Variants in MFSD11 observed in about 807,000 individuals in gnomAD.
MFSD11 encodes the protein UNC93-like protein MFSD11.
A neutral mutation model predicts 53.5 loss-of-function variants in MFSD11; 36 were observed. The observed-to-expected ratio is 0.67, with a 90% CI of 0.52 to 0.89. The LOEUF is 0.89. MFSD11 is among the 40% of genes least tolerant of loss of function. MFSD11 has a pLI of 0.00. For missense variants in MFSD11, 530 were observed against 543.9 expected (o/e 0.97, Z 0.25); for synonymous variants, 186 against 184.9 (o/e 1.01, Z -0.05).
chr17:76,738,256 A>G lies in MFSD11; in HGVS notation c.-97A>G, dbSNP rs1335472044. 11 of 778,008 alleles carry G rather than the reference A, an allele frequency of 1.4e-5. No individual in the cohort carries two copies. Among genetic ancestry groups the G allele is most frequent in the Non-Finnish European group, 2.4e-5 (11 of 455,374 alleles). The allele number at this position is 778,008 out of a possible 1,614,324, so 48.2% of individuals were successfully genotyped here. A position where few individuals can be genotyped will look rare whatever the true frequency, so the allele number is the denominator to read the frequency against. On this transcript the variant is annotated 5_prime_UTR_variant, in exon 1 of 13. Transcript: ENST00000685175. ...CCTGGCTCCTGCATCTGCCTTCTCC[A>G]CTCACCATCTCATTTCTTTCTCCAG...
At chr17:76,789,338 C>T in the MFSD11 span, among the ~76,000 whole-genome samples, 1 of 149,456 alleles carries the variant, frequency 6.7e-6, no homozygotes, top group South Asian at 2.2e-4. Context: ...TGTCTGCATG[C>T]ACAGTGACCT....
intron 10 of MFSD11, 68 bp from the exon 11 acceptor site, chr17:76,774,928 TG>T: frequency 6.7e-7 from 1 of 1,489,128 alleles, no homozygotes; most frequent in Non-Finnish European, 9.1e-7. Context: ...GGCTCCTTGG[TG>T]GTAACTCAGG....
intron 8 of MFSD11, among the ~76,000 whole-genome samples, chr17:76,758,467 C>T (rs1209328336): frequency 6.6e-6 from 1 of 151,100 alleles, no homozygotes; most frequent in East Asian, 2.0e-4. Context: ...CTTGCAGCCC[C>T]AGCTACTTGG....
chr17:76,753,394 C>T (rs796296645), intron 7 of MFSD11, among the ~76,000 whole-genome samples: 6 of 151,960 alleles, frequency 3.9e-5, no homozygotes, highest in African/African-American at 9.7e-5. Flanking sequence ...CAGGATAGGC[C>T]GGGTGTGGTG....
intron 10 of MFSD11, among the ~76,000 whole-genome samples, chr17:76,772,777 A>G (rs1167098127): frequency 6.6e-6 from 1 of 152,034 alleles, no homozygotes; most frequent in Non-Finnish European, 1.5e-5. Flanking sequence ...CGGCCTCCCA[A>G]AGTGCTGGAA....
At chr17:76,761,483 T>C (rs1189638368) in intron 8 of MFSD11, among the ~76,000 whole-genome samples, 1 of 152,212 alleles carries the variant, frequency 6.6e-6, no homozygotes, top group Non-Finnish European at 1.5e-5. Context: ...TCTGTGAATG[T>C]TCAAAAAATT....
chr17:76,777,565 T>C (rs990737068), intron 12 of MFSD11, among the ~76,000 whole-genome samples: 6 of 151,634 alleles, frequency 4.0e-5, no homozygotes, highest in Non-Finnish European at 7.3e-5. Flanking sequence ...TTTATTTTTT[T>C]GTTTCCTCTT....
At position 76,764,921 on chromosome 17, in the gene MFSD11, C is replaced by G. The variant is rs1156493367; in HGVS notation, c.683-2465C>G. Among the ~76,000 whole-genome samples the G allele has an allele frequency of 2.0e-5, 3 of 152,202 alleles. No homozygotes were observed. The East Asian group carries it at 5.8e-4, about 29-fold the overall frequency. ...GGGTTGTCTTTCCTCCACATCCTCA[C>G]CAACACTTGTTACCTTTTGTCTTTT... is the stretch of plus-strand genomic sequence containing the variant. On this transcript the variant is annotated intron_variant, in intron 8 of 12. Coordinates refer to ENST00000685175, the MANE Select transcript of MFSD11 (RefSeq NM_001242532.5).
rs943666105 is a variant in MFSD11, at chr17:76,779,254, C to CAAAAAAAAAAAA, written c.*911_*922dup. The CAAAAAAAAAAAA allele has an allele frequency of 2.0e-5, 1 of 48,866 alleles. No individual in the cohort carries two copies. Among genetic ancestry groups the CAAAAAAAAAAAA allele is most frequent in the Non-Finnish European group, 4.4e-5 (1 of 22,920 alleles). 3.0% of individuals were successfully genotyped at this position (48,866 alleles called of 1,614,324 possible). A position where few individuals can be genotyped will look rare whatever the true frequency, so the allele number is the denominator to read the frequency against. On this transcript the variant is annotated 3_prime_UTR_variant, in exon 13 of 13. Transcript: ENST00000685175. ...GGATGACAAGAGTGAAACTCCATCT[C>CAAAAAAAAAAAA]AAAAAAAAAAAAAAAAAAAAGAAAA...
intron 7 of MFSD11, among the ~76,000 whole-genome samples, chr17:76,750,832 C>CT (rs1424017982): frequency 1.4e-5 from 2 of 147,124 alleles, no homozygotes; most frequent in Admixed American, 1.4e-4. Context: ...GATACGGAGT[C>CT]TCGCTCTCTC....
chr17:76,769,967 T>C, intron 10 of MFSD11, 96 bp downstream of exon 10: 1 of 1,165,326 alleles, frequency 8.6e-7, no homozygotes, highest in Non-Finnish European at 1.2e-6. Flanking sequence ...CTTGAATTTC[T>C]GTTTTTTCTA....
chr17:76,793,309 A>AC, the MFSD11 span, among the ~76,000 whole-genome samples: 1 of 151,362 alleles, frequency 6.6e-6, no homozygotes, highest in South Asian at 2.1e-4. Context: ...TTAGAGGCCT[A>AC]CCCTCAGGGC....
intron 6 of MFSD11, among the ~76,000 whole-genome samples, chr17:76,743,975 G>A (rs994791590): frequency 2.0e-5 from 3 of 152,128 alleles, no homozygotes; most frequent in Non-Finnish European, 4.4e-5. Context: ...GCTTCTCAGG[G>A]TCTAAGGGAA....
the MFSD11 span, among the ~76,000 whole-genome samples, chr17:76,793,415 G>A: frequency 1.9e-3 from 294 of 151,492 alleles, 4 homozygotes; most frequent in Admixed American, 7.3e-3. Flanking sequence ...GCTCTGTTCC[G>A]CCCGGCTCAC....
chr17:76,770,031 CTTTTTTTT>C (rs367900405), intron 10 of MFSD11, among the ~76,000 whole-genome samples, 160 bp downstream of exon 10: 1 of 131,086 alleles, frequency 7.6e-6, no homozygotes, highest in Admixed American at 7.7e-5. Context: ...TATTCTTTTT[CTTTTTTTT>C]TTTTTTTTTC....
intron 8 of MFSD11, among the ~76,000 whole-genome samples, chr17:76,764,620 C>A (rs2080641408): frequency 6.6e-6 from 1 of 152,082 alleles, no homozygotes. Context: ...ATTGTATATA[C>A]CACATTTTCT....
In MFSD11 at chr17:76,738,977, G is replaced by A. The variant is rs377197459; in HGVS notation, c.136G>A (p.Gly46Ser). ...GAGCTTAAATAGGACAGATTTTCAC[G>A]GCAGTGGATATACCAGGTATTGTAC... ...IRSLNRTDFH[G>S]SGYTSMAIIY... The change falls in exon 2 of 13, where the codon GGC (glycine) becomes AGC (serine). Residue 46 changes from glycine to serine, a missense_variant. Gly to Ser is a moderately conservative substitution (Grantham distance 56). Coordinates refer to ENST00000685175, the MANE Select transcript of MFSD11 (RefSeq NM_001242532.5). The A allele has an allele frequency of 6.2e-7, 1 of 1,613,612 alleles. No homozygotes were observed. The highest frequency in any genetic ancestry group is 1.3e-5 in the African/African-American group (1 of 74,868).
chr17:76,758,865 A>G (rs531670162), intron 8 of MFSD11, among the ~76,000 whole-genome samples: 144 of 152,226 alleles, frequency 9.5e-4, no homozygotes, highest in African/African-American at 3.0e-3. Flanking sequence ...ACAGTTGAAA[A>G]TACACATATA....
intron 10 of MFSD11, 97 bp downstream of exon 10, chr17:76,769,968 G>T (rs1052061551): frequency 6.0e-4 from 604 of 1,004,750 alleles, no homozygotes; most frequent in South Asian, 3.0e-3. Context: ...TTGAATTTCT[G>T]TTTTTTCTAC....
Sources: allele counts gnomAD v4.1 joint callset (sites outside exome capture counted in the v4.1 genomes callset), GRCh38; gene constraint gnomAD v4.1.1; transcripts MANE v1.5; gene names NCBI Gene and HGNC (gene_info 2026-07-23, HGNC 2026-07-21).